LITAF: variants seen among roughly 807,000 people sequenced by gnomAD.
LITAF encodes lipopolysaccharide induced TNF factor, also known as lipopolysaccharide-induced tumor necrosis factor-alpha factor.
Under a neutral mutation model 14.5 loss-of-function variants are expected in LITAF, and 9 were observed. The observed-to-expected ratio is 0.62, with a 90% confidence interval of 0.37 to 1.08. The LOEUF (loss-of-function observed/expected upper bound fraction) is 1.08. Ranked by LOEUF, LITAF falls within the 50% of genes least tolerant of loss-of-function variation. The pLI, the probability that LITAF is intolerant of heterozygous loss-of-function variation, is 0.01. For synonymous variants in LITAF, 98 were observed against 88.2 expected (o/e 1.11, Z -0.62); for missense variants, 206 against 213.4 (o/e 0.97, Z 0.22).
chr16:11,583,998 T>A (rs761385322), intron 1 of LITAF, among the ~76,000 whole-genome samples: 1 of 152,202 alleles, frequency 6.6e-6, no homozygotes, highest in Non-Finnish European at 1.5e-5. Flanking sequence ...GTCCAGAGTG[T>A]CAATCAATAC....
intron 3 of LITAF, among the ~76,000 whole-genome samples, chr16:11,614,392 C>T (rs2065004012): frequency 6.7e-6 from 1 of 149,756 alleles, no homozygotes; most frequent in South Asian, 2.1e-4. Context: ...CTCCACCTCC[C>T]AGGTTCAAGC....
chr16:11,567,389 C>T (rs2064468348), intron 1 of LITAF, among the ~76,000 whole-genome samples: 1 of 151,118 alleles, frequency 6.6e-6, no homozygotes, highest in Admixed American at 6.6e-5. Context: ...CACTGCACTC[C>T]AGCCTGGGCA....
At chr16:11,637,542 C>G (rs1452993639), upstream of LITAF, among the ~76,000 whole-genome samples, 3 of 152,218 alleles carry the variant, frequency 2.0e-5, no homozygotes, top group Non-Finnish European at 4.4e-5. Context: ...AACAATCCAC[C>G]AAGGACTCAG....
At chr16:11,638,108 ATCTATC>A (rs1296403956), upstream of LITAF, among the ~76,000 whole-genome samples, 134 of 140,600 alleles carry the variant, frequency 9.5e-4, 6 homozygotes, top group Middle Eastern at 3.6e-3. Context: ...ATATATATAT[ATCTATC>A]TATATAGATA....
At chr16:11,574,333 T>A (rs893285517) in intron 1 of LITAF, among the ~76,000 whole-genome samples, 4 of 152,114 alleles carry the variant, frequency 2.6e-5, no homozygotes, top group African/African-American at 9.7e-5. Context: ...TGAGCCATCA[T>A]GCCTGGCCTA....
chr16:11,600,570 T>C (rs1404436220), upstream of LITAF, among the ~76,000 whole-genome samples: 8 of 152,232 alleles, frequency 5.3e-5, no homozygotes, highest in Admixed American at 5.2e-4. The surrounding 1 kb of genome is among the most constrained non-coding windows in gnomAD (Gnocchi z 4.1). Flanking sequence ...CATGCTTTCC[T>C]CTAGCTGGCC....
intron 1 of LITAF, among the ~76,000 whole-genome samples, chr16:11,570,017 G>A (rs974357112): frequency 2.1e-5 from 3 of 141,052 alleles, no homozygotes; most frequent in Non-Finnish European, 4.6e-5. Flanking sequence ...GCCACAGAGC[G>A]AGACTTTGCC....
chr16:11,562,583 T>C (rs918543291), intron 1 of LITAF, among the ~76,000 whole-genome samples: 4 of 152,158 alleles, frequency 2.6e-5, no homozygotes, highest in Non-Finnish European at 5.9e-5. Context: ...TCATTCTACC[T>C]CTCAACAATT....
At chr16:11,596,356 T>C (rs986873598) in intron 1 of LITAF, among the ~76,000 whole-genome samples, 2 of 151,258 alleles carry the variant, frequency 1.3e-5, no homozygotes, top group African/African-American at 2.4e-5. Context: ...AGGTGTCCTC[T>C]TGGCCACAGG....
upstream of LITAF, among the ~76,000 whole-genome samples, chr16:11,638,349 A>G (rs1166852126): frequency 2.0e-5 from 3 of 151,912 alleles, no homozygotes; most frequent in Non-Finnish European, 4.4e-5. Context: ...TGGTAACAGC[A>G]TGATTTCTTT....
At chr16:11,569,399 C>G (rs1208697024) in intron 1 of LITAF, among the ~76,000 whole-genome samples, 1 of 152,102 alleles carries the variant, frequency 6.6e-6, no homozygotes, top group African/African-American at 2.4e-5. Context: ...TGCCACCATG[C>G]CTGGCTAATT....
chr16:11,561,396 T>A (rs1443427032), intron 1 of LITAF: 1 of 152,230 alleles, frequency 6.6e-6, no homozygotes, highest in African/African-American at 2.4e-5. Flanking sequence ...TTTGACGACC[T>A]TTAAAAGATG....
intron 2 of LITAF, 35 bp downstream of exon 2, chr16:11,556,476 G>T: frequency 6.3e-7 from 1 of 1,579,036 alleles, no homozygotes; most frequent in Non-Finnish European, 8.7e-7. Context: ...GGAGGGCCAA[G>T]GAATGGTAAG....
intron 3 of LITAF, among the ~76,000 whole-genome samples, chr16:11,611,637 T>C (rs188082171): frequency 1.8e-3 from 281 of 152,016 alleles, no homozygotes; most frequent in African/African-American, 6.0e-3. Context: ...TCTATCTTTT[T>C]TTTCTTTCTT....
At chr16:11,618,983 A>T (rs1475275879) in intron 3 of LITAF, among the ~76,000 whole-genome samples, 4 of 126,766 alleles carry the variant, frequency 3.2e-5, no homozygotes, top group South Asian at 2.4e-4. Flanking sequence ...ACTCGGTCTT[A>T]AAAAAAAAAC....
intron 1 of LITAF, among the ~76,000 whole-genome samples, chr16:11,573,127 A>C (rs2064572206): frequency 6.6e-6 from 1 of 152,026 alleles, no homozygotes; most frequent in Non-Finnish European, 1.5e-5. Context: ...ATGGGGTCTC[A>C]CTATGTTGCC....
At chr16:11,573,510 C>T (rs1468256615) in intron 1 of LITAF, among the ~76,000 whole-genome samples, 1 of 152,148 alleles carries the variant, frequency 6.6e-6, no homozygotes, top group African/African-American at 2.4e-5. Context: ...TTGCTGGTAA[C>T]AGCAGAAGCC....
chr16:11,573,259 A>C (rs1483301051), intron 1 of LITAF, among the ~76,000 whole-genome samples: 1 of 152,064 alleles, frequency 6.6e-6, no homozygotes, highest in Non-Finnish European at 1.5e-5. Flanking sequence ...CCCCATAACC[A>C]ATGCCATGAT....
Position 11,618,855 on chromosome 16 carries a change from T to C in LITAF, c.85+14678A>G, listed in dbSNP as rs550315524. ...AAAGTTAGCCGGGCGTGGTGGTGGG[T>C]GCCTGTAATCCCAGCTACTCAGGAG... On this transcript the variant is annotated intron_variant, in intron 3 of 3. Coordinates refer to the LITAF transcript ENST00000574848. Among the ~76,000 whole-genome samples, 27 of 151,610 alleles carry C rather than the reference T, an allele frequency of 1.8e-4. 1 individual carries two copies. In the South Asian group the frequency reaches 5.0e-3, roughly 28 times the overall value.
Sources: gnomAD v4.1 joint callset for allele counts (sites outside exome capture counted in the v4.1 genomes callset) on GRCh38, gnomAD v4.1.1 for gene constraint, Gnocchi (gnomAD v3.1) non-coding constraint, MANE v1.5 for transcripts, NCBI Gene and HGNC (gene_info 2026-07-23, HGNC 2026-07-21) for gene names.